EXOC2: variants seen among roughly 807,000 people sequenced by gnomAD.
EXOC2 encodes exocyst complex component 2.
In EXOC2, 70 loss-of-function variants were observed where a neutral mutation model predicts 131.8. The ratio of observed to expected loss-of-function variants is 0.53; its 90% CI spans 0.44 to 0.65. EXOC2 has a LOEUF of 0.65. Ranked by LOEUF, EXOC2 falls within the 30% of genes least tolerant of loss-of-function variation. The pLI is 0.00. For synonymous variants in EXOC2, 411 were observed against 398.4 expected (o/e 1.03, Z -0.38); for missense variants, 923 against 1,108.6 (o/e 0.83, Z 2.38).
chr6:640,453 TG>T (rs1308954987), intron 1 of EXOC2, among the ~76,000 whole-genome samples: 20 of 152,210 alleles, frequency 1.3e-4, no homozygotes, highest in Non-Finnish European at 1.9e-4. Flanking sequence ...TTGCAGGTGT[TG>T]TATGGCCTGA....
chr6:539,600 T>C (rs1278634586), intron 22 of EXOC2, among the ~76,000 whole-genome samples: 1 of 152,254 alleles, frequency 6.6e-6, no homozygotes, highest in Non-Finnish European at 1.5e-5. Flanking sequence ...ACAGTCACAA[T>C]GGTTTAAAAG....
chr6:637,574 A>G, intron 2 of EXOC2, 127 bp downstream of exon 2: 1 of 596,688 alleles, frequency 1.7e-6, no homozygotes, highest in Non-Finnish European at 2.8e-6. Context: ...GTCTTTTTGG[A>G]GCATTCTGTA....
intron 1 of EXOC2, among the ~76,000 whole-genome samples, chr6:647,573 A>G (rs1432066970): frequency 7.5e-6 from 1 of 133,302 alleles, no homozygotes; most frequent in Non-Finnish European, 1.6e-5. Context: ...TTCCTTCTGT[A>G]CCACCATATG....
At chr6:666,232 T>C (rs1386737514) in intron 1 of EXOC2, among the ~76,000 whole-genome samples, 1 of 152,248 alleles carries the variant, frequency 6.6e-6, no homozygotes, top group Non-Finnish European at 1.5e-5. Context: ...TTTTCAGATG[T>C]AGAAGACACT....
At chr6:548,075 A>G (rs1266495384) in intron 22 of EXOC2, among the ~76,000 whole-genome samples, 1 of 152,192 alleles carries the variant, frequency 6.6e-6, no homozygotes, top group African/African-American at 2.4e-5. Flanking sequence ...ACCTTCTACA[A>G]ATAGCCACTT....
chr6:558,657 C>T (rs773656007), intron 17 of EXOC2, among the ~76,000 whole-genome samples: 28 of 151,774 alleles, frequency 1.8e-4, no homozygotes, highest in Non-Finnish European at 2.9e-4. Context: ...ACTAAAAATA[C>T]AAAAAATTAG....
In EXOC2 at chr6:506,785, G is replaced by A. The variant is rs558145148; in HGVS notation, c.2381-7085C>T. 2.0e-5 allele frequency among the ~76,000 whole-genome samples: 3 copies of A among 152,078 alleles called. No individual in the cohort carries two copies. In the East Asian group the frequency reaches 5.8e-4, roughly 29 times the overall value. On this transcript the variant is annotated intron_variant, in intron 23 of 27. Coordinates refer to ENST00000230449, the MANE Select transcript of EXOC2 (RefSeq NM_018303.6). This position sits in a 1 kb window ranked among gnomAD's most constrained non-coding sequence, Gnocchi z 4.4. ...GTAGGCTGTTTCCTGTAAGCCAGCCGGTGTAACCCAGCATATTCTCCAGCA... is the reference window on the plus strand; with the variant it reads ...GTAGGCTGTTTCCTGTAAGCCAGCCAGTGTAACCCAGCATATTCTCCAGCA...
intron 11 of EXOC2, among the ~76,000 whole-genome samples, chr6:577,545 C>T (rs1175332445): frequency 1.3e-5 from 2 of 152,150 alleles, no homozygotes; most frequent in Non-Finnish European, 2.9e-5. Flanking sequence ...AACAATTTTT[C>T]TAAAATGGAT....
In EXOC2 at chr6:571,424, C is replaced by T. The variant is rs530169327; in HGVS notation, c.1443+1096G>A. Reference sequence around the variant, plus strand: ...CATAAACAAGGCTGCAGGAATCCAGCGGGTTTACAACGGAGATACTAGGCA... The same window carrying T: ...CATAAACAAGGCTGCAGGAATCCAGTGGGTTTACAACGGAGATACTAGGCA... On this transcript the variant is annotated intron_variant, in intron 13 of 27. Transcript: ENST00000230449. 5.1e-4 allele frequency among the ~76,000 whole-genome samples: 78 copies of T among 152,214 alleles called. 1 individual carries two copies. The highest frequency in any genetic ancestry group is 1.9e-3 in the African/African-American group (77 of 41,538).
chr6:597,477 G>A (rs1262343107), intron 10 of EXOC2, among the ~76,000 whole-genome samples: 1 of 152,158 alleles, frequency 6.6e-6, no homozygotes, highest in Non-Finnish European at 1.5e-5. Flanking sequence ...ACGGTGCCCG[G>A]CCCAATATTA....
intron 1 of EXOC2, among the ~76,000 whole-genome samples, chr6:647,697 C>A (rs545583285): frequency 6.9e-4 from 99 of 143,450 alleles, no homozygotes; most frequent in African/African-American, 2.3e-3. Flanking sequence ...AATTAGAATA[C>A]CTCTGGTCTC....
In EXOC2 at chr6:608,318, C is replaced by T. The variant is rs1485148700; in HGVS notation, c.742+1780G>A. Among the ~76,000 whole-genome samples the T allele has an allele frequency of 3.9e-5, 6 of 152,326 alleles. No homozygotes were observed. In the South Asian group the frequency reaches 8.3e-4, roughly 21 times the overall value. ...CTTGACACAACCAGAGTTAAATAAA[C>T]GTCTGTCAAGTTGACCTGAATTAGG... On this transcript the variant is annotated intron_variant, in intron 7 of 27. Transcript: ENST00000230449.
At chr6:687,171 CTT>C (rs762736216) in intron 1 of EXOC2, among the ~76,000 whole-genome samples, 29 of 78,360 alleles carry the variant, frequency 3.7e-4, no homozygotes, top group East Asian at 3.6e-3. Context: ...AAATAATATT[CTT>C]TTTTTTTTTT....
intron 6 of EXOC2, among the ~76,000 whole-genome samples, chr6:615,379 G>A (rs1760942756): frequency 6.6e-6 from 1 of 152,098 alleles, no homozygotes; most frequent in Non-Finnish European, 1.5e-5. Flanking sequence ...GCCTAAAAGT[G>A]TTGAAAGTGA....
chr6:643,426 G>A (rs180741398), intron 1 of EXOC2, among the ~76,000 whole-genome samples: 8 of 152,190 alleles, frequency 5.3e-5, no homozygotes, highest in Admixed American at 5.2e-4. Flanking sequence ...AAGTATCCAG[G>A]TATTTGGAAA....
intron 1 of EXOC2, chr6:656,800 G>C (rs756473752): frequency 6.2e-7 from 1 of 1,605,482 alleles, no homozygotes; most frequent in African/African-American, 1.3e-5. Flanking sequence ...GCCTCGTGGA[G>C]GCCGCCGGAA....
rs1032722951 is a variant in EXOC2 at position 513,784 on chromosome 6, G to C, written c.2381-14084C>G. ...TATTATGAGAAAACTGAAGTAAATTGATACAAAAAGAATCTAAGTCTCAAG... is the reference window on the plus strand; with the variant it reads ...TATTATGAGAAAACTGAAGTAAATTCATACAAAAAGAATCTAAGTCTCAAG... On this transcript the variant is annotated intron_variant, in intron 23 of 27. Transcript: ENST00000230449. Among the ~76,000 whole-genome samples, 4 of 152,276 alleles carry C rather than the reference G, an allele frequency of 2.6e-5. No homozygotes were observed. The East Asian group carries it at 5.8e-4, about 22-fold the overall frequency.
chr6:634,345 A>G (rs1196909812), intron 2 of EXOC2, among the ~76,000 whole-genome samples: 1 of 152,130 alleles, frequency 6.6e-6, no homozygotes, highest in African/African-American at 2.4e-5. Context: ...TTGGCCTCCC[A>G]AAGTGCTAGG....
chr6:678,477 T>C (rs1304690627), intron 1 of EXOC2, among the ~76,000 whole-genome samples: 1 of 152,214 alleles, frequency 6.6e-6, no homozygotes, highest in African/African-American at 2.4e-5. Context: ...GCCAGGTGCG[T>C]CATTAGCTGC....
Sources: allele counts gnomAD v4.1 joint callset (sites outside exome capture counted in the v4.1 genomes callset), GRCh38; gene constraint gnomAD v4.1.1; non-coding constraint Gnocchi (gnomAD v3.1); transcripts MANE v1.5; gene names NCBI Gene and HGNC (gene_info 2026-07-23, HGNC 2026-07-21).